The following HAP1 variants were observed in gnomAD, a reference collection of about 807,000 sequenced individuals.
The protein encoded by HAP1 is huntingtin associated protein 1.
HAP1 carries 59 observed loss-of-function variants against 60.3 expected under a neutral mutation model. The observed-to-expected ratio is 0.98, with a 90% CI of 0.79 to 1.22. The LOEUF (loss-of-function observed/expected upper bound fraction) is 1.22. Ranked by LOEUF, HAP1 falls within the 50% of genes most tolerant of loss-of-function variation. The pLI is 0.00. For missense variants in HAP1, 825 were observed against 785.3 expected, an observed-to-expected ratio of 1.05 and a Z score of -0.60; for synonymous variants, 346 against 330.6, an observed-to-expected ratio of 1.05 and a Z score of -0.50.
downstream of HAP1, among the ~76,000 whole-genome samples, chr17:41,720,484 C>T (rs531533601): frequency 4.6e-5 from 7 of 152,252 alleles, no homozygotes; most frequent in Non-Finnish European, 7.4e-5. Flanking sequence ...CATGAGCCAC[C>T]GTGCCCAGCC....
intron 1 of HAP1, among the ~76,000 whole-genome samples, chr17:41,733,212 CA>C (rs1912396053): frequency 6.6e-6 from 1 of 151,332 alleles, no homozygotes; most frequent in Admixed American, 6.6e-5. Flanking sequence ...CCACCACGCC[CA>C]GCTTATTTTT....
intron 10 of HAP1, 80 bp downstream of exon 10, chr17:41,725,779 G>A: frequency 9.6e-7 from 1 of 1,038,536 alleles, no homozygotes; most frequent in East Asian, 2.4e-5. Flanking sequence ...GAGTTGCAGG[G>A]TGGCAGAACC....
In HAP1 at chr17:41,724,795, C is replaced by A. The variant is rs150055368; in HGVS notation, c.1766G>T (p.Arg589Leu). 1.2e-5 allele frequency: 19 copies of A among 1,612,096 alleles called. No homozygotes were observed. The highest frequency in any genetic ancestry group is 1.5e-5 in the Non-Finnish European group (18 of 1,179,276). The change falls in exon 11 of 11, where the codon CGG (arginine) becomes CTG (leucine). Residue 589 changes from arginine (R) to leucine (L), a missense_variant. By Grantham distance (102) the Arg-to-Leu change is moderately radical. Coordinates refer to ENST00000347901, the MANE Select transcript of HAP1 (RefSeq NM_177977.3). ...LANWQDAHYR[R>L]QLRWKMLQKG... ...CTGGAGCATCTTCCACCTCAGCTGC[C>A]GCCTGTAATGGGCATCTTGCCAGTT...
rs143881023 is a variant in HAP1, at chr17:41,731,704, T to C, written c.936A>G (p.Pro312=). Residue 312 remains proline, a synonymous_variant, in exon 5 of 11, where the codon CCA becomes CCG. Coordinates refer to ENST00000347901, the MANE Select transcript of HAP1 (RefSeq NM_177977.3). ...QEALLHQHHC[P]QLEALQEKLR... ...GCTTCTCCTGCAAGGCTTCCAGCTG[T>C]GGGCAGTGGTGCTGGTGCAGCAATG... 64 of 1,613,970 alleles carry C rather than the reference T, an allele frequency of 4.0e-5. 1 individual carries two copies. The African/African-American group carries it at 8.1e-4, about 21-fold the overall frequency.
At chr17:41,720,316 C>T (rs1309619359), downstream of HAP1, among the ~76,000 whole-genome samples, 1 of 151,918 alleles carries the variant, frequency 6.6e-6, no homozygotes, top group Non-Finnish European at 1.5e-5. Context: ...TTGCCTCAGC[C>T]TCCCAAGTAG....
Position 41,732,213 on chromosome 17 carries a change from C to T in HAP1, c.714+17G>A. ...GGTGTAGATTGGCCCGCTATCCTCT[C>T]CTCCCCACCCGGTTACCTCCTCCTT... On this transcript the variant is annotated intron_variant, in intron 3 of 10. Coordinates refer to ENST00000347901, the MANE Select transcript of HAP1 (RefSeq NM_177977.3). 6.2e-7 allele frequency: 1 copy of T among 1,612,598 alleles called. No individual in the cohort carries two copies.
At position 41,726,862 on chromosome 17, in the gene HAP1, CAA is replaced by C. The variant is rs59195117; in HGVS notation, c.1367+189_1367+190del. ...TGGGTGACAGAGCAAGACTCCATCT[CAA>C]AAAAAAAAAAAATACCTCAGGGGGA... On this transcript the variant is annotated intron_variant, in intron 9 of 10. Transcript: ENST00000347901. Among the ~76,000 whole-genome samples the C allele has an allele frequency of 2.2e-3, 284 of 131,634 alleles. 1 individual carries two copies. Among genetic ancestry groups the C allele is most frequent in the African/African-American group, 7.1e-3 (257 of 36,120 alleles). The allele number at this position is 131,634 out of a possible 152,430, so 86.4% of individuals were successfully genotyped here. A position where few individuals can be genotyped will look rare whatever the true frequency, so the allele number is the denominator to read the frequency against.
At chr17:41,725,228 A>G in intron 10 of HAP1, 74 bp from the exon 11 acceptor site, 1 of 1,218,824 alleles carries the variant, frequency 8.2e-7, no homozygotes, top group Non-Finnish European at 1.1e-6. Context: ...ACCCGTCTCC[A>G]CACAGATCCT....
rs1911536064 is a variant in HAP1 at position 41,725,200 on chromosome 17, C to A, written c.1407-46G>T. 6.2e-6 allele frequency: 9 copies of A among 1,457,768 alleles called. No homozygotes were observed. In the East Asian group the frequency reaches 1.8e-4, roughly 30 times the overall value. 90.3% of individuals were successfully genotyped at this position (1,457,768 alleles called of 1,614,324 possible). On this transcript the variant is annotated intron_variant, in intron 10 of 10. Transcript: ENST00000347901. ...TCTTTTGAGGGGCTGGAAAGTCCAA[C>A]CCCCCAGGCCCACCCCCACCCGTCT...
Position 41,727,810 on chromosome 17 carries a change from C to T in HAP1, c.1227G>A (p.Gln409=). ...RMYGAETEKL[Q]KQLASEKEIQ... ...TTTCCTTCTCCGAAGCCAGCTGCTT[C>T]TGCAACTTTTCAGTCTCAGCCCCAT... is the stretch of plus-strand genomic sequence containing the variant. The change falls in exon 8 of 11, where the codon CAG becomes CAA. Residue 409 remains glutamine (Q), a synonymous_variant. Transcript: ENST00000347901. 1 of 1,611,626 alleles carries T rather than the reference C, an allele frequency of 6.2e-7. No individual in the cohort carries two copies. Among genetic ancestry groups the T allele is most frequent in the South Asian group, 1.1e-5 (1 of 91,056 alleles).
Position 41,729,549 on chromosome 17 carries a change from CAAAAAA to C in HAP1, c.1070-1224_1070-1219del, listed in dbSNP as rs1162563636. On this transcript the variant is annotated intron_variant, in intron 6 of 10. Transcript: ENST00000347901. The stretch of plus-strand genomic sequence containing the variant: ...TGGGTTACAGAGGGAGCCTCCTTCT[CAAAAAA>C]AAAAAAAAAAAAAAAAAAAAAAAAG... Among the ~76,000 whole-genome samples, 19 of 63,106 alleles carry C rather than the reference CAAAAAA, an allele frequency of 3.0e-4. 1 individual carries two copies. Among genetic ancestry groups the C allele is most frequent in the South Asian group, 4.7e-4 (1 of 2,118 alleles). 41.4% of individuals were successfully genotyped at this position (63,106 alleles called of 152,430 possible).
At position 41,734,481 on chromosome 17, in the gene HAP1, ATCCTACTC is replaced by A. The variant is rs782594296; in HGVS notation, c.146_153del (p.Arg49IlefsTer95). 2.5e-6 allele frequency: 4 copies of A among 1,611,844 alleles called. No individual in the cohort carries two copies. Among genetic ancestry groups the A allele is most frequent in the Non-Finnish European group, 3.4e-6 (4 of 1,179,456 alleles). On this transcript the variant is annotated frameshift_variant, in exon 1 of 11. Coordinates refer to ENST00000347901, the MANE Select transcript of HAP1 (RefSeq NM_177977.3). LOFTEE classifies it high-confidence loss of function. ...AACTGGGATCCAGAGGTGGCTCGGG[ATCCTACTC>A]TCTGTCCAGTGCCCCGTGCCTGCGG... is the stretch of plus-strand genomic sequence containing the variant.
At chr17:41,725,810 G>A in intron 10 of HAP1, 49 bp downstream of exon 10, 1 of 1,469,740 alleles carries the variant, frequency 6.8e-7, no homozygotes, top group Non-Finnish European at 9.5e-7. Flanking sequence ...GGGCTGTCTG[G>A]CTGCTGAAAG....
At position 41,731,715 on chromosome 17, in the gene HAP1, G is replaced by A. The variant is rs781937062; in HGVS notation, c.925C>T (p.His309Tyr). The stretch of plus-strand genomic sequence containing the variant: ...AAGGCTTCCAGCTGTGGGCAGTGGT[G>A]CTGGTGCAGCAATGCCTCCTGCGAA... The part of the protein sequence containing the change: ...LISQEALLHQ[H>Y]HCPQLEALQE... The change falls in exon 5 of 11, where the codon CAC (histidine) becomes TAC (tyrosine). Residue 309 changes from histidine to tyrosine, a missense_variant. By Grantham distance (83) the His-to-Tyr change is moderately conservative. Transcript: ENST00000347901. 27 of 1,613,760 alleles carry A rather than the reference G, an allele frequency of 1.7e-5. No individual in the cohort carries two copies. In the East Asian group the frequency reaches 4.2e-4, roughly 25 times the overall value.
rs1555591426 is a variant in HAP1, at chr17:41,732,705, A to C, written c.549+14T>G. On this transcript the variant is annotated intron_variant, in intron 2 of 10. Transcript: ENST00000347901. ...AGAATAAGGGCTTGCCTGGATCAGGAAGGCAGTACACACCTCCTCCAGCAA... is the reference window on the plus strand; with the variant it reads ...AGAATAAGGGCTTGCCTGGATCAGGCAGGCAGTACACACCTCCTCCAGCAA... The C allele has an allele frequency of 8.2e-6, 13 of 1,590,452 alleles. No individual in the cohort carries two copies. Among genetic ancestry groups the C allele is most frequent in the Non-Finnish European group, 9.5e-6 (11 of 1,158,400 alleles).
At chr17:41,731,844 C>T in intron 4 of HAP1, 93 bp downstream of exon 4, 1 of 930,480 alleles carries the variant, frequency 1.1e-6, no homozygotes, top group South Asian at 1.4e-5. Flanking sequence ...TTCCAGCAAC[C>T]CTGCCAGCAA....
intron 2 of HAP1, 23 bp downstream of exon 2, chr17:41,732,696 T>C: frequency 1.9e-6 from 3 of 1,576,776 alleles, no homozygotes; most frequent in Non-Finnish European, 2.6e-6. Context: ...AGGGCTTGCC[T>C]GGATCAGGAA....
chr17:41,726,443 TCC>T (rs1911634840), intron 9 of HAP1, among the ~76,000 whole-genome samples: 1 of 149,362 alleles, frequency 6.7e-6, no homozygotes, highest in African/African-American at 2.5e-5. Flanking sequence ...GTGCCTGTAG[TCC>T]CAACTACTTG....
intron 8 of HAP1, 83 bp from the exon 9 acceptor site, chr17:41,727,227 CTCAA>C (rs1219873337): frequency 6.0e-6 from 5 of 827,676 alleles, no homozygotes; most frequent in Non-Finnish European, 1.1e-5. Flanking sequence ...GAACTGGGAT[CTCAA>C]TCAGCCACCA....
Sources: gnomAD v4.1 joint callset for allele counts (sites outside exome capture counted in the v4.1 genomes callset) on GRCh38, gnomAD v4.1.1 for gene constraint, MANE v1.5 for transcripts, NCBI Gene and HGNC (gene_info 2026-07-23, HGNC 2026-07-21) for gene names.